FAF1: variants seen among roughly 807,000 people sequenced by gnomAD.
FAF1 encodes FAS-associated factor 1.
Under a neutral mutation model 92.5 loss-of-function variants are expected in FAF1, and 25 were observed. The ratio of observed to expected loss-of-function variants is 0.27; its 90% CI spans 0.20 to 0.38. The LOEUF is 0.38. Ranked by LOEUF, FAF1 falls within the 10% of genes least tolerant of loss-of-function variation. FAF1 has a pLI of 1.00. For missense variants in FAF1, 636 were observed against 793.3 expected (o/e 0.80, Z 2.38); for synonymous variants, 234 against 273.2 (o/e 0.86, Z 1.42).
chr1:50,643,444 TG>T (rs1654439291), intron 8 of FAF1, among the ~76,000 whole-genome samples: 4 of 152,210 alleles, frequency 2.6e-5, no homozygotes, highest in Admixed American at 6.5e-5. Flanking sequence ...AACTGTTTAA[TG>T]GGAACAGTTT....
chr1:50,549,685 G>C (rs1339395490), intron 13 of FAF1, among the ~76,000 whole-genome samples: 4 of 152,098 alleles, frequency 2.6e-5, no homozygotes, highest in Non-Finnish European at 4.4e-5. Context: ...TGAGACAGGA[G>C]AATTGCTTGA....
intron 8 of FAF1, among the ~76,000 whole-genome samples, chr1:50,624,038 G>A (rs138700768): frequency 6.6e-6 from 1 of 152,034 alleles, no homozygotes; most frequent in East Asian, 1.9e-4. Context: ...GAAAGAAGAA[G>A]AAGAACCACA....
intron 9 of FAF1, among the ~76,000 whole-genome samples, chr1:50,591,137 T>C (rs1490356521): frequency 1.3e-5 from 2 of 152,222 alleles, no homozygotes; most frequent in African/African-American, 4.8e-5. Flanking sequence ...CTATTTCTAG[T>C]TTTACCATGA....
intron 6 of FAF1, among the ~76,000 whole-genome samples, chr1:50,736,908 C>T (rs1178207799): frequency 1.3e-5 from 2 of 152,036 alleles, no homozygotes; most frequent in Non-Finnish European, 2.9e-5. Flanking sequence ...ACAAAATCAG[C>T]TTTCAATATA....
chr1:50,811,834 T>C (rs1397540012), intron 2 of FAF1, among the ~76,000 whole-genome samples: 2 of 152,110 alleles, frequency 1.3e-5, no homozygotes, highest in African/African-American at 4.8e-5. Context: ...AAAGCTGCAG[T>C]AACCATTACA....
intron 1 of FAF1, among the ~76,000 whole-genome samples, chr1:50,866,659 G>T (rs1237606083): frequency 6.6e-6 from 1 of 151,978 alleles, no homozygotes; most frequent in Non-Finnish European, 1.5e-5. Flanking sequence ...ACCTCCAGAA[G>T]AGAAACTACA....
chr1:50,759,026 T>A (rs999093027), intron 4 of FAF1, among the ~76,000 whole-genome samples: 8 of 152,034 alleles, frequency 5.3e-5, no homozygotes, highest in Non-Finnish European at 1.0e-4. Context: ...GTGATTTTAG[T>A]AGAGACGGGG....
rs373026982 is a variant in FAF1, at chr1:50,805,239, T to A, written c.115-3562A>T. Among the ~76,000 whole-genome samples, 28 of 152,328 alleles carry A rather than the reference T, an allele frequency of 1.8e-4. No homozygotes were observed. In the South Asian group the frequency reaches 4.6e-3, roughly 25 times the overall value. On this transcript the variant is annotated intron_variant, in intron 2 of 18. Coordinates refer to ENST00000396153, the MANE Select transcript of FAF1 (RefSeq NM_007051.3). The stretch of plus-strand genomic sequence containing the variant: ...AGAAGAACATCTTGCCTTGACCTAG[T>A]TTATACTCATTTGAAACTCCATTTT...
At chr1:50,868,484 G>A (rs151037685) in intron 1 of FAF1, among the ~76,000 whole-genome samples, 25 of 151,772 alleles carry the variant, frequency 1.6e-4, no homozygotes, top group African/African-American at 5.3e-4. Flanking sequence ...AGCTTCTTAC[G>A]GTGGAAGTAT....
chr1:50,521,604 C>G (rs1177832459), intron 15 of FAF1, among the ~76,000 whole-genome samples: 1 of 152,146 alleles, frequency 6.6e-6, no homozygotes, highest in Non-Finnish European at 1.5e-5. Context: ...CCCCCAAAGT[C>G]AGCTAATATT....
intron 2 of FAF1, among the ~76,000 whole-genome samples, chr1:50,819,638 T>A (rs868515933): frequency 0.015 from 1,507 of 97,778 alleles, 61 homozygotes; most frequent in African/African-American, 0.052. Context: ...ACTGACTCAC[T>A]CACACACACA....
intron 1 of FAF1, among the ~76,000 whole-genome samples, chr1:50,904,110 T>C (rs1644817108): frequency 6.6e-6 from 1 of 152,140 alleles, no homozygotes; most frequent in Non-Finnish European, 1.5e-5. Flanking sequence ...AACCGAAAGG[T>C]GGAAACAACC....
chr1:50,563,992 A>C (rs966416917), intron 13 of FAF1, among the ~76,000 whole-genome samples: 1 of 152,234 alleles, frequency 6.6e-6, no homozygotes, highest in Non-Finnish European at 1.5e-5. Context: ...TAGAGAAATT[A>C]GGAAATTTAA....
chr1:50,694,210 G>A (rs1245628564), intron 7 of FAF1, among the ~76,000 whole-genome samples: 4 of 152,162 alleles, frequency 2.6e-5, no homozygotes, highest in African/African-American at 9.6e-5. Context: ...ATATTTAAAT[G>A]ATATGCTTTT....
In FAF1 at chr1:50,583,091, A is replaced by G. The variant is rs144817604; in HGVS notation, c.1032-392T>C. Among the ~76,000 whole-genome samples, 6 of 152,068 alleles carry G rather than the reference A, an allele frequency of 3.9e-5. No individual in the cohort carries two copies. Among genetic ancestry groups the G allele is most frequent in the African/African-American group, 1.2e-4 (5 of 41,560 alleles). On this transcript the variant is annotated intron_variant, in intron 11 of 18. Coordinates refer to ENST00000396153, the MANE Select transcript of FAF1 (RefSeq NM_007051.3). The surrounding 1 kb of genome is among the most constrained non-coding windows in gnomAD (Gnocchi z 4.2). Reference sequence around the variant, plus strand: ...AACTGTTTCTTTTAAAAGTCTCCATATTATATTTCAACAGAAAATATCACT... The same window carrying G: ...AACTGTTTCTTTTAAAAGTCTCCATGTTATATTTCAACAGAAAATATCACT...
At position 50,821,129 on chromosome 1, in the gene FAF1, T is replaced by G. The variant is rs58215354; in HGVS notation, c.115-19452A>C. Reference sequence around the variant, plus strand: ...GCTGCCTGACACCACAAGGTTGTTATAAGAATCAAATGAAATAATACAGAT... The same window carrying G: ...GCTGCCTGACACCACAAGGTTGTTAGAAGAATCAAATGAAATAATACAGAT... On this transcript the variant is annotated intron_variant, in intron 2 of 18. Coordinates refer to ENST00000396153, the MANE Select transcript of FAF1 (RefSeq NM_007051.3). Among the ~76,000 whole-genome samples, 1,221 of 152,282 alleles carry G rather than the reference T, an allele frequency of 8.0e-3. 14 individuals are homozygous for G. Among genetic ancestry groups the G allele is most frequent in the African/African-American group, 0.028 (1,179 of 41,548 alleles).
intron 18 of FAF1, among the ~76,000 whole-genome samples, chr1:50,459,414 A>C (rs1572755988): frequency 6.6e-6 from 1 of 152,066 alleles, no homozygotes; most frequent in African/African-American, 2.4e-5. Flanking sequence ...AGAAAGTACC[A>C]CCTAGACTTT....
chr1:50,909,942 T>C (rs1644871173), intron 1 of FAF1, among the ~76,000 whole-genome samples: 2 of 152,324 alleles, frequency 1.3e-5, no homozygotes, highest in South Asian at 4.1e-4. Context: ...TGCATTCCTC[T>C]GGAGGAGAAG....
intron 2 of FAF1, among the ~76,000 whole-genome samples, chr1:50,828,791 A>G (rs1263399522): frequency 3.9e-5 from 6 of 152,228 alleles, no homozygotes; most frequent in African/African-American, 1.4e-4. Context: ...AACAAAATCA[A>G]TAAAGGAAAG....
Sources: gnomAD v4.1 joint callset for allele counts (sites outside exome capture counted in the v4.1 genomes callset) on GRCh38, gnomAD v4.1.1 for gene constraint, Gnocchi (gnomAD v3.1) non-coding constraint, MANE v1.5 for transcripts, NCBI Gene and HGNC (gene_info 2026-07-23, HGNC 2026-07-21) for gene names.